The following TXNL4A variants were observed in gnomAD, a reference collection of about 807,000 sequenced individuals.
TXNL4A encodes the protein thioredoxin-like protein 4A.
A neutral mutation model predicts 14.6 loss-of-function variants in TXNL4A; 17 were observed. That is an observed-to-expected ratio of 1.16 (90% confidence interval 0.80 to 1.74). The LOEUF is 1.74. Ranked by LOEUF, TXNL4A falls within the 40% of genes most tolerant of loss-of-function variation. The probability of loss-of-function intolerance (pLI) is 0.00; values close to 1 mark genes in which losing one functional copy is unlikely to be tolerated. For synonymous variants in TXNL4A, 83 were observed against 70.6 expected, an observed-to-expected ratio of 1.18 and a Z score of -0.88; for missense variants, 74 against 195.2, an observed-to-expected ratio of 0.38 and a Z score of 3.70.
intron 1 of TXNL4A, among the ~76,000 whole-genome samples, chr18:80,027,829 G>T (rs1396496105): frequency 6.6e-6 from 1 of 152,150 alleles, no homozygotes; most frequent in Non-Finnish European, 1.5e-5. Context: ...TCAGTCAAAG[G>T]ACTGAGTATT....
chr18:80,029,718 C>G (rs1310206988), intron 1 of TXNL4A, among the ~76,000 whole-genome samples: 1 of 152,210 alleles, frequency 6.6e-6, no homozygotes, highest in Non-Finnish European at 1.5e-5. Flanking sequence ...AGCACTCCCC[C>G]TAGTGCTGCT....
chr18:80,018,048 A>T (rs1599752509), intron 1 of TXNL4A, among the ~76,000 whole-genome samples: 3 of 152,018 alleles, frequency 2.0e-5, no homozygotes, highest in Admixed American at 2.0e-4. Context: ...AGATCCTGTT[A>T]TTGGTCTATT....
intron 1 of TXNL4A, among the ~76,000 whole-genome samples, chr18:79,987,237 T>C (rs1412216004): frequency 3.3e-5 from 5 of 152,200 alleles, no homozygotes; most frequent in East Asian, 1.9e-4. Flanking sequence ...ATAACAACAG[T>C]TCCTAACTTC....
intron 1 of TXNL4A, among the ~76,000 whole-genome samples, chr18:79,997,978 T>C (rs996623028): frequency 3.9e-5 from 6 of 152,176 alleles, no homozygotes; most frequent in African/African-American, 1.4e-4. Context: ...GGATTTTGGG[T>C]CCTGGCTGGC....
At chr18:79,994,748 A>G (rs1029662732) in intron 1 of TXNL4A, among the ~76,000 whole-genome samples, 1 of 151,996 alleles carries the variant, frequency 6.6e-6, no homozygotes, top group Non-Finnish European at 1.5e-5. Context: ...GAAATCCTCC[A>G]AATCCCTTAC....
At chr18:80,020,793 T>C (rs762226302) in intron 1 of TXNL4A, among the ~76,000 whole-genome samples, 3 of 152,178 alleles carry the variant, frequency 2.0e-5, no homozygotes, top group Non-Finnish European at 4.4e-5. Context: ...TACAAAAACC[T>C]GTAATGCCCA....
At chr18:80,010,784 G>A (rs374409900) in intron 1 of TXNL4A, among the ~76,000 whole-genome samples, 135 of 152,296 alleles carry the variant, frequency 8.9e-4, no homozygotes, top group African/African-American at 3.1e-3. Flanking sequence ...GGTTCCTGCA[G>A]CCTGATTTCC....
chr18:80,012,232 A>C (rs867577893), intron 1 of TXNL4A, among the ~76,000 whole-genome samples: 1 of 152,192 alleles, frequency 6.6e-6, no homozygotes, highest in African/African-American at 2.4e-5. Context: ...TGCATGTCCT[A>C]TTCCTGGTTT....
Position 79,988,228 on chromosome 18 carries a change from C to G in TXNL4A, c.153+12G>C. On this transcript the variant is annotated intron_variant, in intron 1 of 2. Transcript: ENST00000269601. Reference sequence around the variant, plus strand: ...AGCACAGCCCGCAGAGCGGGAGAGTCCGGCGCGCTACCTTCTCGGCGATGC... The same window carrying G: ...AGCACAGCCCGCAGAGCGGGAGAGTGCGGCGCGCTACCTTCTCGGCGATGC... 6.6e-7 allele frequency: 1 copy of G among 1,512,756 alleles called. No homozygotes were observed. The allele number at this position is 1,512,756 out of a possible 1,614,324, so 93.7% of individuals were successfully genotyped here.
At chr18:79,975,401 C>G (rs560923196) in intron 2 of TXNL4A, among the ~76,000 whole-genome samples, 75 of 152,350 alleles carry the variant, frequency 4.9e-4, no homozygotes, top group Non-Finnish European at 9.7e-4. Flanking sequence ...ATCTCCTTTT[C>G]TGAGTACAGC....
chr18:80,008,518 A>C (rs1264888817), intron 1 of TXNL4A, among the ~76,000 whole-genome samples: 1 of 151,952 alleles, frequency 6.6e-6, no homozygotes, highest in Non-Finnish European at 1.5e-5. Flanking sequence ...CAATATTTTA[A>C]TTGGTTGCAT....
chr18:80,023,002 C>A (rs1482974152), intron 1 of TXNL4A, among the ~76,000 whole-genome samples: 3 of 152,208 alleles, frequency 2.0e-5, no homozygotes. Flanking sequence ...TGGACTTGGG[C>A]AAGACTCTTT....
chr18:80,032,567 C>T (rs1375616664), intron 1 of TXNL4A, among the ~76,000 whole-genome samples: 2 of 152,134 alleles, frequency 1.3e-5, no homozygotes, highest in Non-Finnish European at 2.9e-5. Context: ...TGGCCAGGCG[C>T]GGTGGCTCAC....
upstream of TXNL4A, among the ~76,000 whole-genome samples, chr18:79,988,820 C>G (rs1171077132): frequency 6.6e-6 from 1 of 152,160 alleles, no homozygotes. Flanking sequence ...GCTCCCGCCC[C>G]GAGGCCGCCC....
chr18:80,005,226 T>C (rs1045061239), intron 1 of TXNL4A, among the ~76,000 whole-genome samples: 1 of 152,172 alleles, frequency 6.6e-6, no homozygotes, highest in Admixed American at 6.5e-5. Flanking sequence ...GACTCGAAGG[T>C]TGTTGAGCAG....
At chr18:80,022,965 T>C (rs754657612) in intron 1 of TXNL4A, among the ~76,000 whole-genome samples, 55 of 152,212 alleles carry the variant, frequency 3.6e-4, no homozygotes, top group Non-Finnish European at 6.9e-4. Context: ...AGGTACCCAA[T>C]AGGCCTGGGA....
At chr18:79,974,440 G>C (rs1010161975) in intron 2 of TXNL4A, among the ~76,000 whole-genome samples, 9 of 152,210 alleles carry the variant, frequency 5.9e-5, no homozygotes, top group African/African-American at 1.9e-4. Context: ...GAATACTCAT[G>C]TGCACTTTAC....
intron 1 of TXNL4A, among the ~76,000 whole-genome samples, chr18:79,987,865 A>C (rs1201434817): frequency 6.6e-6 from 1 of 152,284 alleles, no homozygotes; most frequent in Non-Finnish European, 1.5e-5. Context: ...CGAATAACTC[A>C]GGTACCAAAA....
At chr18:80,001,806 G>A (rs747374823) in intron 1 of TXNL4A, among the ~76,000 whole-genome samples, 7 of 152,110 alleles carry the variant, frequency 4.6e-5, no homozygotes, top group African/African-American at 7.2e-5. Flanking sequence ...ACTTACTTTT[G>A]ATTTTACAGG....
Sources: allele counts gnomAD v4.1 joint callset (sites outside exome capture counted in the v4.1 genomes callset), GRCh38; gene constraint gnomAD v4.1.1; transcripts MANE v1.5; gene names NCBI Gene and HGNC (gene_info 2026-07-23, HGNC 2026-07-21).